Variants in SMOC2 observed in about 807,000 individuals in gnomAD.
SMOC2 encodes the protein SPARC related modular calcium binding 2.
Under a neutral mutation model 61.4 loss-of-function variants are expected in SMOC2, and 39 were observed. That is an observed-to-expected ratio of 0.64 (90% CI 0.49 to 0.83). SMOC2 has a LOEUF of 0.83. Among genes scored for constraint, SMOC2 ranks in the 40% least tolerant of loss-of-function variants. SMOC2 has a pLI of 0.00. For missense variants in SMOC2, 556 were observed against 592.9 expected, an observed-to-expected ratio of 0.94 and a Z score of 0.65; for synonymous variants, 247 against 239.9, an observed-to-expected ratio of 1.03 and a Z score of -0.27.
At chr6:168,546,251 GAAAAAAAAAAAA>G (rs143673157) in intron 5 of SMOC2, among the ~76,000 whole-genome samples, 1 of 66,456 alleles carries the variant, frequency 1.5e-5, no homozygotes, top group Non-Finnish European at 2.9e-5. Context: ...AAGCTTCAGT[GAAAAAAAAAAAA>G]AAAAAAAAAA....
At chr6:168,607,200 G>A (rs1044852686) in intron 8 of SMOC2, among the ~76,000 whole-genome samples, 1 of 152,118 alleles carries the variant, frequency 6.6e-6, no homozygotes, top group Non-Finnish European at 1.5e-5. Context: ...GGGGGCTCCG[G>A]GAGGCAGGTT....
At chr6:168,548,224 C>T (rs750702414) in intron 6 of SMOC2, among the ~76,000 whole-genome samples, 24 of 152,284 alleles carry the variant, frequency 1.6e-4, no homozygotes, top group Non-Finnish European at 2.5e-4. Context: ...AATGCCCTTC[C>T]GCAGATGAGA....
intron 7 of SMOC2, among the ~76,000 whole-genome samples, chr6:168,571,148 T>C (rs1405102980): frequency 6.6e-6 from 1 of 152,244 alleles, no homozygotes; most frequent in Non-Finnish European, 1.5e-5. Context: ...TTGGTTCTGC[T>C]GAGGTGCAAG....
intron 12 of SMOC2, among the ~76,000 whole-genome samples, chr6:168,666,204 AT>A (rs1266101089): frequency 6.6e-6 from 1 of 152,134 alleles, no homozygotes; most frequent in East Asian, 1.9e-4. Context: ...GAAACGATAT[AT>A]TTTTCCCAAT....
chr6:168,502,717 CACTT>C lies in SMOC2; in HGVS notation c.85-7193_85-7190del, dbSNP rs555823949. Among the ~76,000 whole-genome samples the C allele has an allele frequency of 1.3e-3, 199 of 151,014 alleles. 1 individual carries two copies. The highest frequency in any genetic ancestry group is 4.5e-3 in the African/African-American group (184 of 40,876). On this transcript the variant is annotated intron_variant, in intron 1 of 12. Transcript: ENST00000356284. ...CGACCAGTGTCTCTGATTCATGCCT[CACTT>C]ACTTTTTTATTTTATTTTAATTTAA...
chr6:168,462,226 G>C (rs1163581718), intron 1 of SMOC2, among the ~76,000 whole-genome samples: 1 of 152,132 alleles, frequency 6.6e-6, no homozygotes, highest in Non-Finnish European at 1.5e-5. Flanking sequence ...TTAGGACACA[G>C]GGATTCCAGT....
intron 2 of SMOC2, among the ~76,000 whole-genome samples, chr6:168,524,179 C>T (rs1583079311): frequency 6.6e-6 from 1 of 152,168 alleles, no homozygotes; most frequent in East Asian, 1.9e-4. Flanking sequence ...AGGCACTTCT[C>T]TGTAGTAAAG....
At chr6:168,595,468 G>C (rs1785305395) in intron 7 of SMOC2, among the ~76,000 whole-genome samples, 1 of 152,306 alleles carries the variant, frequency 6.6e-6, no homozygotes, top group Non-Finnish European at 1.5e-5. Flanking sequence ...CGTCAGCTCT[G>C]CCTGCAGAAC....
chr6:168,607,585 G>GTT (rs5881799), intron 8 of SMOC2, among the ~76,000 whole-genome samples: 5,147 of 147,876 alleles, frequency 0.035, 112 homozygotes, highest in Non-Finnish European at 0.046. Flanking sequence ...CCAGAGAGTC[G>GTT]TTTTTTTTTT....
chr6:168,602,542 G>T (rs907465498), intron 8 of SMOC2, among the ~76,000 whole-genome samples: 7 of 152,184 alleles, frequency 4.6e-5, no homozygotes, highest in Non-Finnish European at 8.8e-5. Context: ...ACCTGCCTTG[G>T]ACTGGGGAGA....
rs1356150472 is a variant in SMOC2 at position 168,583,294 on chromosome 6, G to A, written c.638-15524G>A. On this transcript the variant is annotated intron_variant, in intron 7 of 12. Coordinates refer to ENST00000356284, the MANE Select transcript of SMOC2 (RefSeq NM_001166412.2). ...CTCCTTCCTGGCTCCAGTGGGCTCGGCCCTGCCCTGCCTCACTCCTTCCCG... is the reference window on the plus strand; with the variant it reads ...CTCCTTCCTGGCTCCAGTGGGCTCGACCCTGCCCTGCCTCACTCCTTCCCG... Among the ~76,000 whole-genome samples the A allele has an allele frequency of 7.9e-5, 12 of 151,996 alleles. No individual in the cohort carries two copies. The East Asian group carries it at 9.7e-4, about 12-fold the overall frequency.
chr6:168,500,602 G>A (rs181473449), intron 1 of SMOC2, among the ~76,000 whole-genome samples: 71 of 152,194 alleles, frequency 4.7e-4, no homozygotes, highest in African/African-American at 1.7e-3. Flanking sequence ...ACCCCGGGTG[G>A]CTACGCGAAT....
intron 7 of SMOC2, among the ~76,000 whole-genome samples, chr6:168,590,290 C>T (rs373338660): frequency 6.8e-5 from 3 of 43,940 alleles, no homozygotes; most frequent in African/African-American, 2.4e-4. Flanking sequence ...AGGGGGCAGC[C>T]GGCCTGGTGG....
intron 1 of SMOC2, among the ~76,000 whole-genome samples, chr6:168,482,026 A>G (rs1782217888): frequency 6.6e-6 from 1 of 151,928 alleles, no homozygotes; most frequent in South Asian, 2.1e-4. Flanking sequence ...AGAAGGAACT[A>G]CATAATAAAG....
chr6:168,514,855 G>T (rs546136257), intron 2 of SMOC2, among the ~76,000 whole-genome samples: 2 of 152,158 alleles, frequency 1.3e-5, no homozygotes, highest in Non-Finnish European at 2.9e-5. Flanking sequence ...GCATGTGAGG[G>T]ATTTCTTAGA....
At chr6:168,444,231 C>T (rs1378863047) in intron 1 of SMOC2, among the ~76,000 whole-genome samples, 1 of 152,106 alleles carries the variant, frequency 6.6e-6, no homozygotes, top group Non-Finnish European at 1.5e-5. Flanking sequence ...TGCCTCTCTG[C>T]CTCCTTCTAC....
intron 9 of SMOC2, 127 bp downstream of exon 9, chr6:168,608,366 T>G: frequency 3.9e-6 from 4 of 1,029,518 alleles, no homozygotes; most frequent in Non-Finnish European, 5.7e-6. Flanking sequence ...TGAGGCCTCC[T>G]ACCTCCTTGC....
intron 9 of SMOC2, among the ~76,000 whole-genome samples, chr6:168,614,316 A>AGG (rs200064405): frequency 1.4e-5 from 1 of 70,340 alleles, no homozygotes; most frequent in Non-Finnish European, 2.7e-5. Flanking sequence ...CAGCCAGCAC[A>AGG]GGGCCTCTTC....
At chr6:168,645,259 C>A (rs1786993204) in intron 9 of SMOC2, among the ~76,000 whole-genome samples, 1 of 152,184 alleles carries the variant, frequency 6.6e-6, no homozygotes, top group African/African-American at 2.4e-5. Context: ...CATTTTCTGT[C>A]CGTTTTTAAC....
Sources: gnomAD v4.1 joint callset for allele counts (sites outside exome capture counted in the v4.1 genomes callset) on GRCh38, gnomAD v4.1.1 for gene constraint, MANE v1.5 for transcripts, NCBI Gene and HGNC (gene_info 2026-07-23, HGNC 2026-07-21) for gene names.